SLC20A2: variants seen among roughly 807,000 people sequenced by gnomAD.
The protein encoded by SLC20A2 is solute carrier family 20 member 2, also known as sodium-dependent phosphate transporter 2.
A neutral mutation model predicts 61.0 loss-of-function variants in SLC20A2; 30 were observed. The observed-to-expected ratio is 0.49, with a 90% CI of 0.37 to 0.67. The LOEUF (loss-of-function observed/expected upper bound fraction) is 0.67. Among genes scored for constraint, SLC20A2 ranks in the 30% least tolerant of loss-of-function variants. SLC20A2 has a pLI of 0.00. For missense variants in SLC20A2, 626 were observed against 866.4 expected, an observed-to-expected ratio of 0.72 and a Z score of 3.48; for synonymous variants, 351 against 353.3, an observed-to-expected ratio of 0.99 and a Z score of 0.07.
At chr8:42,503,375 C>T (rs74857652), upstream of SLC20A2, among the ~76,000 whole-genome samples, 3,341 of 152,150 alleles carry the variant, frequency 0.022, 44 homozygotes, top group Non-Finnish European at 0.033. Context: ...AAGGCGGTGA[C>T]CTATGGGATC....
At chr8:42,447,791 A>T (rs192202544) in intron 5 of SLC20A2, among the ~76,000 whole-genome samples, 2 of 152,360 alleles carry the variant, frequency 1.3e-5, no homozygotes, top group East Asian at 3.9e-4. Flanking sequence ...AAAAATCCAG[A>T]ATCACCTAGC....
chr8:42,451,404 T>TGA (rs1450413524), intron 5 of SLC20A2, among the ~76,000 whole-genome samples: 8 of 94,038 alleles, frequency 8.5e-5, no homozygotes, highest in South Asian at 3.4e-4. Context: ...GAGGAAGAGA[T>TGA]AGAGGAGAAG....
chr8:42,463,891 G>A (rs1806903396), intron 3 of SLC20A2, among the ~76,000 whole-genome samples: 1 of 151,974 alleles, frequency 6.6e-6, no homozygotes, highest in African/African-American at 2.4e-5. Context: ...GAAATGGAGT[G>A]AAAGAGTATC....
At chr8:42,468,101 A>T (rs1168879898) in intron 2 of SLC20A2, among the ~76,000 whole-genome samples, 3 of 151,778 alleles carry the variant, frequency 2.0e-5, no homozygotes, top group Non-Finnish European at 4.4e-5. Flanking sequence ...ACGGGGTTTC[A>T]CCGCGTCAGC....
chr8:42,440,931 G>C (rs1215423653), intron 6 of SLC20A2, among the ~76,000 whole-genome samples: 2 of 152,166 alleles, frequency 1.3e-5, no homozygotes, highest in African/African-American at 4.8e-5. Context: ...CTCCCGAGTA[G>C]CTGGGACTAC....
intron 2 of SLC20A2, among the ~76,000 whole-genome samples, chr8:42,470,403 C>T (rs1192970358): frequency 6.6e-6 from 1 of 151,552 alleles, no homozygotes; most frequent in Admixed American, 6.6e-5. Flanking sequence ...TTTTTTTGTA[C>T]AGACAGGGTC....
At chr8:42,465,735 T>C in intron 3 of SLC20A2, 42 bp downstream of exon 3, 2 of 1,506,284 alleles carry the variant, frequency 1.3e-6, no homozygotes, top group Admixed American at 2.3e-5. Context: ...CTCTAGAAAA[T>C]GTAAACTTTC....
chr8:42,419,626 C>T, intron 10 of SLC20A2: 1 of 615,056 alleles, frequency 1.6e-6, no homozygotes, highest in Non-Finnish European at 2.0e-6. Flanking sequence ...ACATGGAGTT[C>T]TACTTCAAGG....
At chr8:42,498,086 G>C (rs1334518342) in intron 1 of SLC20A2, among the ~76,000 whole-genome samples, 2 of 152,156 alleles carry the variant, frequency 1.3e-5, no homozygotes, top group African/African-American at 4.8e-5. Context: ...GGAGAATCTG[G>C]AACTCCAGAT....
At chr8:42,523,591 T>C (rs1385980162) in intron 1 of SLC20A2, among the ~76,000 whole-genome samples, 1 of 152,232 alleles carries the variant, frequency 6.6e-6, no homozygotes, top group East Asian at 1.9e-4. Flanking sequence ...AACAGTCAAG[T>C]AATCCACTTA....
At chr8:42,471,549 A>C (rs1302389871) in intron 2 of SLC20A2, among the ~76,000 whole-genome samples, 2 of 152,274 alleles carry the variant, frequency 1.3e-5, no homozygotes, top group Non-Finnish European at 2.9e-5. Flanking sequence ...AAGGATGACA[A>C]ATAATGTAAG....
chr8:42,532,942 G>A (rs1195386662), intron 1 of SLC20A2, among the ~76,000 whole-genome samples: 1 of 152,186 alleles, frequency 6.6e-6, no homozygotes, highest in African/African-American at 2.4e-5. Context: ...CTGAATCATG[G>A]AGAAGGGAGG....
At chr8:42,487,688 ACTTTT>A (rs1365080788) in intron 1 of SLC20A2, among the ~76,000 whole-genome samples, 1 of 151,150 alleles carries the variant, frequency 6.6e-6, no homozygotes, top group Non-Finnish European at 1.5e-5. Flanking sequence ...TGGTTATTAT[ACTTTT>A]CAACTGCAGA....
intron 1 of SLC20A2, among the ~76,000 whole-genome samples, chr8:42,491,763 C>T (rs945437546): frequency 2.0e-5 from 3 of 152,138 alleles, no homozygotes; most frequent in African/African-American, 7.2e-5. Flanking sequence ...TCTGCTCTAT[C>T]CCTTCTAAGG....
chr8:42,514,141 T>C (rs1324566638), intron 1 of SLC20A2, among the ~76,000 whole-genome samples: 1 of 152,220 alleles, frequency 6.6e-6, no homozygotes, highest in Non-Finnish European at 1.5e-5. Context: ...AACAAAATGC[T>C]GACGGCCTGT....
intron 1 of SLC20A2, among the ~76,000 whole-genome samples, chr8:42,527,538 G>C (rs1812049167): frequency 6.6e-6 from 1 of 152,132 alleles, no homozygotes; most frequent in Non-Finnish European, 1.5e-5. Context: ...AGCACTTTGG[G>C]GGGCTGAGGA....
intron 1 of SLC20A2, among the ~76,000 whole-genome samples, chr8:42,484,346 G>T (rs892624437): frequency 6.6e-6 from 1 of 152,186 alleles, no homozygotes; most frequent in Admixed American, 6.5e-5. Context: ...TGGTAAGTCA[G>T]GTAGAAATTT....
At chr8:42,495,495 A>G (rs1167711796) in intron 1 of SLC20A2, among the ~76,000 whole-genome samples, 4 of 152,200 alleles carry the variant, frequency 2.6e-5, no homozygotes, top group Non-Finnish European at 5.9e-5. Context: ...ATTGGGCCTC[A>G]TATGTTCTGA....
In SLC20A2 at chr8:42,444,677, G is replaced by A. The variant is rs149457553; in HGVS notation, c.699C>T (p.Phe233=). 8.1e-6 allele frequency: 13 copies of A among 1,613,658 alleles called. No individual in the cohort carries two copies. Among genetic ancestry groups the A allele is most frequent in the South Asian group, 3.3e-5 (3 of 91,068 alleles). The part of the protein sequence containing the change: ...ALLFAFFVWL[F]VCPWMRRKIT... ...TTTTCCTCCGCATCCACGGACACACGAAGAGCCACACAAAAAAAGCGAACA... is the reference window on the plus strand; with the variant it reads ...TTTTCCTCCGCATCCACGGACACACAAAGAGCCACACAAAAAAAGCGAACA... The change falls in exon 6 of 11, where the codon TTC becomes TTT. Residue 233 remains phenylalanine (F), a synonymous_variant. Coordinates refer to ENST00000520262, the MANE Select transcript of SLC20A2 (RefSeq NM_001257180.2).
Sources: allele counts gnomAD v4.1 joint callset (sites outside exome capture counted in the v4.1 genomes callset), GRCh38; gene constraint gnomAD v4.1.1; transcripts MANE v1.5; gene names NCBI Gene and HGNC (gene_info 2026-07-23, HGNC 2026-07-21).